UBE3A: variants seen among roughly 807,000 people sequenced by gnomAD.
UBE3A encodes the protein ubiquitin protein ligase E3A, also known as ubiquitin-protein ligase E3A.
Under a neutral mutation model 83.4 loss-of-function variants are expected in UBE3A, and 6 were observed. That is an observed-to-expected ratio of 0.07 (90% CI 0.04 to 0.14). The LOEUF is 0.14. UBE3A is among the 10% of genes least tolerant of loss of function. The pLI is 1.00. For missense variants in UBE3A, 456 were observed against 1,036.1 expected, an observed-to-expected ratio of 0.44 and a Z score of 7.69; for synonymous variants, 337 against 355.4, an observed-to-expected ratio of 0.95 and a Z score of 0.58.
intron 4 of UBE3A, among the ~76,000 whole-genome samples, chr15:25,398,820 T>TAC (rs2086381726): frequency 4.7e-5 from 6 of 127,150 alleles, no homozygotes; most frequent in Admixed American, 8.1e-5. Flanking sequence ...TATATAAAAA[T>TAC]ACATATATAT....
intron 1 of UBE3A, among the ~76,000 whole-genome samples, chr15:25,415,283 C>T (rs559561059): frequency 2.0e-5 from 3 of 152,168 alleles, no homozygotes; most frequent in South Asian, 4.1e-4. Flanking sequence ...TATTCAAAAG[C>T]TTTAACACTT....
intron 11 of UBE3A, among the ~76,000 whole-genome samples, chr15:25,341,959 T>C (rs2074919710): frequency 6.6e-6 from 1 of 152,068 alleles, no homozygotes; most frequent in African/African-American, 2.4e-5. Context: ...CTTAAAAGTT[T>C]TATTAGAATT....
intron 6 of UBE3A, among the ~76,000 whole-genome samples, chr15:25,361,370 C>T (rs2078075912): frequency 6.6e-6 from 1 of 152,062 alleles, no homozygotes; most frequent in South Asian, 2.1e-4. Flanking sequence ...ATGATCCGCC[C>T]ACCTCAGCCT....
chr15:25,408,302 C>T, intron 3 of UBE3A: 1 of 401,528 alleles, frequency 2.5e-6, no homozygotes, highest in Non-Finnish European at 4.6e-6. Flanking sequence ...TCTACTTATT[C>T]TTTTACTGCC....
chr15:25,406,808 T>C (rs1440822772), intron 3 of UBE3A, among the ~76,000 whole-genome samples: 1 of 145,392 alleles, frequency 6.9e-6, no homozygotes, highest in African/African-American at 2.6e-5. Context: ...ACTCTCAAAA[T>C]TACCCTCACT....
chr15:25,384,234 C>A (rs1010713528), intron 4 of UBE3A, among the ~76,000 whole-genome samples: 1 of 151,984 alleles, frequency 6.6e-6, no homozygotes, highest in African/African-American at 2.4e-5. Flanking sequence ...CCAAGGTGGG[C>A]TGATCACGAG....
chr15:25,400,945 T>C (rs561668116), intron 4 of UBE3A, among the ~76,000 whole-genome samples: 1 of 152,354 alleles, frequency 6.6e-6, no homozygotes, highest in South Asian at 2.1e-4. Flanking sequence ...TTTGTCAATA[T>C]GGCCTTTATT....
At chr15:25,408,457 TTTAAA>T in intron 3 of UBE3A, 1 of 994,794 alleles carries the variant, frequency 1.0e-6, no homozygotes, top group South Asian at 1.5e-5. Flanking sequence ...AGTCAGAAAT[TTTAAA>T]ACTGAAACAA....
intron 4 of UBE3A, among the ~76,000 whole-genome samples, chr15:25,382,519 C>T (rs1595928590): frequency 6.6e-6 from 1 of 151,316 alleles, no homozygotes; most frequent in Admixed American, 6.6e-5. Context: ...AACAAATTAA[C>T]TTTACATCTT....
chr15:25,410,286 T>A (rs1178808645), intron 2 of UBE3A, among the ~76,000 whole-genome samples: 1 of 152,188 alleles, frequency 6.6e-6, no homozygotes, highest in East Asian at 1.9e-4. Flanking sequence ...CTCAACCAAA[T>A]ATCTTTTTAA....
intron 4 of UBE3A, among the ~76,000 whole-genome samples, chr15:25,387,259 C>T (rs561676873): frequency 5.8e-4 from 89 of 152,290 alleles, no homozygotes; most frequent in Non-Finnish European, 1.0e-3. Flanking sequence ...CTGTGGCTCA[C>T]GCCTGTAATC....
At chr15:25,358,365 C>T (rs1222134751) in intron 7 of UBE3A, among the ~76,000 whole-genome samples, 1 of 151,600 alleles carries the variant, frequency 6.6e-6, no homozygotes, top group Non-Finnish European at 1.5e-5. Flanking sequence ...GGCCTCAGAG[C>T]CAGATCCTGC....
chr15:25,381,242 A>G (rs2082114373), intron 4 of UBE3A, among the ~76,000 whole-genome samples: 1 of 152,200 alleles, frequency 6.6e-6, no homozygotes, highest in Non-Finnish European at 1.5e-5. Flanking sequence ...AGAACATGTG[A>G]TATCTGTCTT....
intron 6 of UBE3A, among the ~76,000 whole-genome samples, chr15:25,362,378 C>A (rs1246399490): frequency 6.6e-6 from 1 of 152,178 alleles, no homozygotes; most frequent in Middle Eastern, 3.2e-3. Context: ...AAGAGTCAGT[C>A]AGAATTCACC....
At chr15:25,362,380 G>T (rs1180820162) in intron 6 of UBE3A, among the ~76,000 whole-genome samples, 2 of 152,162 alleles carry the variant, frequency 1.3e-5, no homozygotes, top group East Asian at 3.9e-4. Context: ...GAGTCAGTCA[G>T]AATTCACCTT....
At position 25,338,772 on chromosome 15, in the gene UBE3A, G is replaced by A. The variant is rs991482503; in HGVS notation, c.*365C>T. 6.5e-6 allele frequency: 1 copy of A among 153,208 alleles called. No individual in the cohort carries two copies. Among genetic ancestry groups the A allele is most frequent in the South Asian group, 2.1e-4 (1 of 4,862 alleles). 9.5% of individuals were successfully genotyped at this position (153,208 alleles called of 1,614,324 possible). On this transcript the variant is annotated 3_prime_UTR_variant, in exon 13 of 13. Transcript: ENST00000648336. The stretch of plus-strand genomic sequence containing the variant: ...TATATATTTTTTAAATACTCAAAAG[G>A]CTCAACCTCAAGCAGTAATAAACAC...
intron 3 of UBE3A, chr15:25,408,571 C>T (rs1461137422): frequency 6.2e-7 from 1 of 1,612,656 alleles, no homozygotes; most frequent in Non-Finnish European, 8.5e-7. Flanking sequence ...AAAACACCCA[C>T]TAATCTGAAT....
chr15:25,408,592 G>C, intron 3 of UBE3A: 1 of 1,613,596 alleles, frequency 6.2e-7, no homozygotes, highest in Non-Finnish European at 8.5e-7. Flanking sequence ...ACTGCAGCAT[G>C]AGCTAGCAAA....
chr15:25,387,847 C>T lies in UBE3A; in HGVS notation c.63-12084G>A, dbSNP rs564135709. Among the ~76,000 whole-genome samples the T allele has an allele frequency of 5.9e-5, 9 of 152,220 alleles. No homozygotes were observed. In the South Asian group the frequency reaches 6.2e-4, roughly 11 times the overall value. ...TCAAGGGATATTATGAACAACTTTA[C>T]GGCCACGAATTTGGTAACCTAGATG... On this transcript the variant is annotated intron_variant, in intron 4 of 12. Transcript: ENST00000648336.
Sources: gnomAD v4.1 joint callset for allele counts (sites outside exome capture counted in the v4.1 genomes callset) on GRCh38, gnomAD v4.1.1 for gene constraint, MANE v1.5 for transcripts, NCBI Gene and HGNC (gene_info 2026-07-23, HGNC 2026-07-21) for gene names.